Variants in LPCAT1 observed in about 807,000 individuals in gnomAD.
The protein encoded by LPCAT1 is 1-acylglycerol-3-phosphate O-acyltransferase.
In LPCAT1, 23 loss-of-function variants were observed where a neutral mutation model predicts 60.9. That is an observed-to-expected ratio of 0.38 (90% CI 0.27 to 0.53). The LOEUF (loss-of-function observed/expected upper bound fraction) is 0.53. Among genes scored for constraint, LPCAT1 ranks in the 20% least tolerant of loss-of-function variants. LPCAT1 has a pLI of 0.82. For missense variants in LPCAT1, 622 were observed against 723.6 expected, an observed-to-expected ratio of 0.86 and a Z score of 1.61; for synonymous variants, 340 against 301.1, an observed-to-expected ratio of 1.13 and a Z score of -1.34.
At chr5:1,504,613 C>T (rs1469503613) in intron 1 of LPCAT1, among the ~76,000 whole-genome samples, 1 of 150,914 alleles carries the variant, frequency 6.6e-6, no homozygotes, top group Non-Finnish European at 1.5e-5. Flanking sequence ...ACTCTGGAGG[C>T]TGAGGCAGGA....
chr5:1,515,103 A>G (rs1736466076), intron 1 of LPCAT1, among the ~76,000 whole-genome samples: 1 of 150,122 alleles, frequency 6.7e-6, no homozygotes, highest in Non-Finnish European at 1.5e-5. Context: ...TCCTGCTACA[A>G]GAAAGAGTCC....
At chr5:1,474,222 G>T in intron 10 of LPCAT1, 112 bp from the exon 11 acceptor site, 1 of 1,222,870 alleles carries the variant, frequency 8.2e-7, no homozygotes, top group Non-Finnish European at 1.1e-6. Context: ...GTAGCAGCAA[G>T]CTAGTTTTCA....
At chr5:1,464,551 C>G (rs1734247118) in intron 13 of LPCAT1, among the ~76,000 whole-genome samples, 2 of 152,202 alleles carry the variant, frequency 1.3e-5, no homozygotes, top group Admixed American at 6.5e-5. Flanking sequence ...CAAGCGCACG[C>G]ATGCACACAT....
intron 1 of LPCAT1, among the ~76,000 whole-genome samples, chr5:1,513,438 G>A (rs907444563): frequency 2.6e-5 from 4 of 152,210 alleles, no homozygotes; most frequent in Non-Finnish European, 4.4e-5. Flanking sequence ...CCTGGCTCAC[G>A]GCAGGTGCTC....
At chr5:1,494,946 C>T (rs371296675) in intron 2 of LPCAT1, 32 bp from the exon 3 acceptor site, 37 of 1,552,442 alleles carry the variant, frequency 2.4e-5, no homozygotes, top group African/African-American at 1.4e-5. Flanking sequence ...CACGCGGGCA[C>T]ACGTCCGCAG....
rs1032846877 is a variant in LPCAT1, at chr5:1,481,454, C to T, written c.727-478G>A. On this transcript the variant is annotated intron_variant, in intron 6 of 13. Transcript: ENST00000283415. This position sits in a 1 kb window ranked among gnomAD's most constrained non-coding sequence, Gnocchi z 7.8. ...CCCAACCACGGTGCATGTGCAGGGC[C>T]CCCCCACCCCGGGTGCTCTGAAGTC... Among the ~76,000 whole-genome samples the T allele has an allele frequency of 1.3e-5, 2 of 152,192 alleles. No homozygotes were observed. Among genetic ancestry groups the T allele is most frequent in the African/African-American group, 4.8e-5 (2 of 41,446 alleles).
chr5:1,470,802 A>T (rs1038464880), intron 12 of LPCAT1, 24 bp downstream of exon 12: 2 of 1,600,090 alleles, frequency 1.2e-6, no homozygotes, highest in Admixed American at 1.7e-5. Flanking sequence ...CCCCCAGTCA[A>T]ACCCATGTGA....
At chr5:1,500,580 C>T (rs1004398346) in intron 2 of LPCAT1, among the ~76,000 whole-genome samples, 11 of 152,092 alleles carry the variant, frequency 7.2e-5, no homozygotes, top group Non-Finnish European at 1.3e-4. Context: ...CATGCAGTCT[C>T]GGAGGGCGGG....
intron 2 of LPCAT1, among the ~76,000 whole-genome samples, chr5:1,497,090 G>A (rs1735822233): frequency 6.6e-6 from 1 of 152,224 alleles, no homozygotes; most frequent in Non-Finnish European, 1.5e-5. Context: ...GAGACAGAAA[G>A]GGTGGGCATC....
Position 1,476,083 on chromosome 5 carries a change from A to C in LPCAT1, c.899+1321T>G, listed in dbSNP as rs1215105377. ...AGCACTCTCGTACCCTAAAAAAAGT[A>C]CAAGTTCCTCGGAGTCTGTTTGAAA... is the stretch of plus-strand genomic sequence containing the variant. On this transcript the variant is annotated intron_variant, in intron 9 of 13. Transcript: ENST00000283415. This position sits in a 1 kb window ranked among gnomAD's most constrained non-coding sequence, Gnocchi z 8.6. 6.6e-6 allele frequency among the ~76,000 whole-genome samples: 1 copy of C among 152,240 alleles called. No individual in the cohort carries two copies. Among genetic ancestry groups the C allele is most frequent in the Non-Finnish European group, 1.5e-5 (1 of 68,048 alleles).
chr5:1,516,906 C>T (rs1054721653), intron 1 of LPCAT1, among the ~76,000 whole-genome samples: 2 of 152,192 alleles, frequency 1.3e-5, no homozygotes. Context: ...AACAGCACCT[C>T]ACCTTTAACA....
At chr5:1,514,081 G>A (rs896858554) in intron 1 of LPCAT1, among the ~76,000 whole-genome samples, 4 of 152,256 alleles carry the variant, frequency 2.6e-5, no homozygotes, top group African/African-American at 9.6e-5. Flanking sequence ...AAGCTCCAAT[G>A]AGAACGGGGC....
chr5:1,507,685 G>A (rs2126604422), intron 1 of LPCAT1, among the ~76,000 whole-genome samples: 1 of 152,328 alleles, frequency 6.6e-6, no homozygotes, highest in Admixed American at 6.5e-5. Flanking sequence ...CAAGGAAGCT[G>A]GCAGAGGCTC....
rs1021730393 is a variant in LPCAT1, at chr5:1,483,942, C to A, written c.668-456G>T. Among the ~76,000 whole-genome samples the A allele has an allele frequency of 1.3e-5, 2 of 151,104 alleles. No homozygotes were observed. Among genetic ancestry groups the A allele is most frequent in the South Asian group, 2.1e-4 (1 of 4,802 alleles). On this transcript the variant is annotated intron_variant, in intron 5 of 13. Transcript: ENST00000283415. The surrounding 1 kb of genome is among the most constrained non-coding windows in gnomAD (Gnocchi z 9.2). ...CACTTTCTGCTGTAACATCGCGCAC[C>A]AGCTGGAAGGCGTTGGTGGGAAGTG...
intron 2 of LPCAT1, among the ~76,000 whole-genome samples, chr5:1,497,818 TC>T (rs1470688993): frequency 6.6e-6 from 1 of 152,122 alleles, no homozygotes; most frequent in Admixed American, 6.5e-5. Flanking sequence ...GAACAGGTGT[TC>T]CCACACAGAG....
chr5:1,504,639 G>A (rs369411020), intron 1 of LPCAT1, among the ~76,000 whole-genome samples: 3 of 152,040 alleles, frequency 2.0e-5, no homozygotes, highest in East Asian at 1.9e-4. Context: ...ACTTGGACCC[G>A]GGAGTCAGAG....
chr5:1,490,432 G>T (rs577677920), intron 3 of LPCAT1, among the ~76,000 whole-genome samples: 3 of 152,194 alleles, frequency 2.0e-5, no homozygotes, highest in Non-Finnish European at 4.4e-5. Flanking sequence ...AAGAGGAGAC[G>T]AAGAGGGGGA....
At chr5:1,492,176 T>A (rs1427423670) in intron 3 of LPCAT1, among the ~76,000 whole-genome samples, 1 of 144,452 alleles carries the variant, frequency 6.9e-6, no homozygotes, top group Non-Finnish European at 1.5e-5. Flanking sequence ...GCTGGAAACC[T>A]GGGAGATGTC....
At position 1,470,815 on chromosome 5, in the gene LPCAT1, T is replaced by A. The variant is rs773539894; in HGVS notation, c.1278+11A>T. On this transcript the variant is annotated intron_variant, in intron 12 of 13. Coordinates refer to ENST00000283415, the MANE Select transcript of LPCAT1 (RefSeq NM_024830.5). The stretch of plus-strand genomic sequence containing the variant: ...GTCCCCCAGTCAAACCCATGTGAAC[T>A]CTGCACTCACCTTGAAAGCCAGCTG... 21 of 1,612,062 alleles carry A rather than the reference T, an allele frequency of 1.3e-5. No individual in the cohort carries two copies. Among genetic ancestry groups the A allele is most frequent in the Admixed American group, 1.7e-5 (1 of 59,846 alleles).
Sources: allele counts gnomAD v4.1 joint callset (sites outside exome capture counted in the v4.1 genomes callset), GRCh38; gene constraint gnomAD v4.1.1; non-coding constraint Gnocchi (gnomAD v3.1); transcripts MANE v1.5; gene names NCBI Gene and HGNC (gene_info 2026-07-23, HGNC 2026-07-21).